PLEC: variants seen among roughly 807,000 people sequenced by gnomAD.
PLEC encodes the protein hemidesmosomal protein 1.
Under a neutral mutation model 392.8 loss-of-function variants are expected in PLEC, and 216 were observed. That is an observed-to-expected ratio of 0.55 (90% CI 0.49 to 0.62). PLEC has a LOEUF of 0.62. Ranked by LOEUF, PLEC falls within the 20% of genes least tolerant of loss-of-function variation. The pLI, the probability that PLEC is intolerant of heterozygous loss-of-function variation, is 0.00. For missense variants in PLEC, 6,863 were observed against 6,563.4 expected (o/e 1.05, Z -1.58); for synonymous variants, 3,621 against 2,980.6 (o/e 1.21, Z -7.00).
intron 1 of PLEC, among the ~76,000 whole-genome samples, chr8:143,972,271 T>C (rs1833467424): frequency 1.3e-5 from 2 of 152,140 alleles, no homozygotes; most frequent in South Asian, 2.1e-4. Flanking sequence ...ATGTAGAGCA[T>C]GAGCAACAGG....
intron 1 of PLEC, among the ~76,000 whole-genome samples, chr8:143,947,201 C>A (rs1554732808): frequency 6.6e-6 from 1 of 152,184 alleles, no homozygotes; most frequent in African/African-American, 2.4e-5. Flanking sequence ...CTCCTTGACG[C>A]AGGGCCACAG....
In PLEC at chr8:143,925,856, T is replaced by A. The variant is rs1554704386; in HGVS notation, c.4073A>T (p.Glu1358Val). The A allele has an allele frequency of 1.9e-6, 3 of 1,548,870 alleles. No homozygotes were observed. Among genetic ancestry groups the A allele is most frequent in the Non-Finnish European group, 2.6e-6 (3 of 1,153,926 alleles). Residue 1358 changes from glutamate (E) to valine (V), a missense_variant, in exon 31 of 32, where the codon GAG becomes GTG. Glu to Val is a moderately radical substitution (Grantham distance 121). Coordinates refer to ENST00000345136, the MANE Select transcript of PLEC (RefSeq NM_201384.3). ...CTCCACCTCGGCCAGCCGCTCGCGC[T>A]CCTCTGCCCGCTGCTGCTCAGCCAG... The part of the protein sequence containing the change: ...ERLAEQQRAE[E>V]RERLAEVEAA...
Position 143,933,044 on chromosome 8 carries a change from C to T in PLEC, c.1486G>A (p.Val496Met), listed in dbSNP as rs201553684. ...TEYNLRLKAG[V>M]AAPATQVAQV... ...GCCACCTGGGTTGCAGGGGCCGCCA[C>T]GCCTGCCTTCAGCCGTAGGTTGTAC... Residue 496 changes from valine (V) to methionine (M), a missense_variant, in exon 14 of 32, where the codon GTG (valine) becomes ATG (methionine). Coordinates refer to ENST00000345136, the MANE Select transcript of PLEC (RefSeq NM_201384.3). 227 of 1,594,500 alleles carry T rather than the reference C, an allele frequency of 1.4e-4. 1 individual carries two copies. The East Asian group carries it at 4.9e-3, about 35-fold the overall frequency.
At chr8:143,938,310 A>G in intron 2 of PLEC, 70 bp from the exon 3 acceptor site, 1 of 1,537,378 alleles carries the variant, frequency 6.5e-7, no homozygotes, top group Non-Finnish European at 8.8e-7. Context: ...TGGCTGATCT[A>G]CAGAGTGGGT....
Position 143,930,541 on chromosome 8 carries a change from G to A in PLEC, c.2305-5C>T. The A allele has an allele frequency of 6.3e-7, 1 of 1,584,072 alleles. No homozygotes were observed. Among genetic ancestry groups the A allele is most frequent in the Non-Finnish European group, 8.6e-7 (1 of 1,165,538 alleles). The stretch of plus-strand genomic sequence containing the variant: ...GTTCAGCTGTTCCTTCTCGTCCTGT[G>A]GGGGAGGGGCAGCATCCAGACGAGG... On this transcript the variant is annotated splice_region_variant and splice_polypyrimidine_tract_variant and intron_variant, in intron 19 of 31. Coordinates refer to ENST00000345136, the MANE Select transcript of PLEC (RefSeq NM_201384.3).
intron 1 of PLEC, chr8:143,946,250 G>T (rs1831451923): frequency 1.1e-6 from 1 of 897,226 alleles, no homozygotes; most frequent in African/African-American, 1.7e-5. Context: ...TCCCAGGTCT[G>T]ACGGCACAGA....
rs1821460085 is a variant in PLEC at position 143,918,757 on chromosome 8, G to A, written c.11064C>T (p.Gly3688=). 1.2e-6 allele frequency: 2 copies of A among 1,613,074 alleles called. No individual in the cohort carries two copies. Among genetic ancestry groups the A allele is most frequent in the South Asian group, 1.1e-5 (1 of 91,088 alleles). ...GGTAGACACCAGCCACGGAGCCCGT[G>A]CCATAGAGGTAGCACCAGGCGGACT... ...EAESAWCYLY[G]TGSVAGVYLP... The change falls in exon 32 of 32, where the codon GGC becomes GGT. Residue 3688 remains glycine (G), a synonymous_variant. Coordinates refer to ENST00000345136, the MANE Select transcript of PLEC (RefSeq NM_201384.3).
upstream of PLEC, chr8:143,943,879 C>G: frequency 1.2e-6 from 2 of 1,611,704 alleles, no homozygotes; most frequent in South Asian, 2.2e-5. Flanking sequence ...ACAGGCTGCC[C>G]GAGGGCTCCA....
chr8:143,938,208 G>A lies in PLEC; in HGVS notation c.207C>T (p.Asp69=), dbSNP rs371216758. 5.3e-5 allele frequency: 85 copies of A among 1,607,752 alleles called. No individual in the cohort carries two copies. The highest frequency in any genetic ancestry group is 1.8e-4 in the South Asian group (16 of 90,480). ...AQRHISDLYE[D]LRDGHNLISL... is the part of the protein sequence containing the mutation. ...AGATGAGGTTGTGGCCATCGCGGAG[G>A]TCTTCATACAGGTCACTGATGTGCC... The change falls in exon 3 of 32, where the codon GAC becomes GAT. Residue 69 remains aspartate (D), a synonymous_variant. Coordinates refer to ENST00000345136, the MANE Select transcript of PLEC (RefSeq NM_201384.3).
rs782040653 is a variant in PLEC, at chr8:143,927,929, G to A, written c.3324C>T (p.His1108=). ...TQGAEEVLRA[H]EEQLKEAQAV... The stretch of plus-strand genomic sequence containing the variant: ...CCTGGGCCTCCTTGAGCTGCTCCTC[G>A]TGGGCCCTGAGCACCTCCTCGGCCC... The change falls in exon 26 of 32, where the codon CAC becomes CAT. Residue 1108 remains histidine, a synonymous_variant. Coordinates refer to ENST00000345136, the MANE Select transcript of PLEC (RefSeq NM_201384.3). 1.2e-5 allele frequency: 20 copies of A among 1,602,446 alleles called. No individual in the cohort carries two copies. Among genetic ancestry groups the A allele is most frequent in the South Asian group, 6.7e-5 (6 of 89,424 alleles).
At chr8:143,955,917 A>G (rs1376663562), upstream of PLEC, among the ~76,000 whole-genome samples, 5 of 148,662 alleles carry the variant, frequency 3.4e-5, no homozygotes, top group Non-Finnish European at 4.5e-5. Context: ...AATTTAATGC[A>G]TAAAAATTTT....
At chr8:143,938,016 C>T in intron 3 of PLEC, 135 bp downstream of exon 3, 1 of 682,022 alleles carries the variant, frequency 1.5e-6, no homozygotes. Context: ...GCCAGCCTGC[C>T]CCCAGGGAGA....
chr8:143,938,621 C>G lies in PLEC; in HGVS notation c.174+10G>C, dbSNP rs181850748. On this transcript the variant is annotated intron_variant, in intron 2 of 31. Coordinates refer to ENST00000345136, the MANE Select transcript of PLEC (RefSeq NM_201384.3). Reference sequence around the variant, plus strand: ...AGCCCCTGTGACACGCACCAGCATGCGCCACCAACCTTGATGAGGTGCTTG... The same window carrying G: ...AGCCCCTGTGACACGCACCAGCATGGGCCACCAACCTTGATGAGGTGCTTG... 2 of 1,606,088 alleles carry G rather than the reference C, an allele frequency of 1.2e-6. No individual in the cohort carries two copies. The highest frequency in any genetic ancestry group is 1.1e-5 in the South Asian group (1 of 90,942).
chr8:143,944,505 G>A (rs1191607680), upstream of PLEC: 6 of 482,316 alleles, frequency 1.2e-5, no homozygotes, highest in African/African-American at 2.0e-5. Flanking sequence ...GGGCTGAGGG[G>A]GTCTGGGTGA....
rs1461941764 is a variant in PLEC, at chr8:143,969,852, G to A, written c.70+3551C>T. ...GGGCAGCAGGGGTGAGAATGAGGCC[G>A]GGGTGAGTACCGTTGGTGAGTGGGT... On this transcript the variant is annotated intron_variant, in intron 1 of 31. Coordinates refer to the PLEC transcript ENST00000356346. This position sits in a 1 kb window ranked among gnomAD's most constrained non-coding sequence, Gnocchi z 5.1. Among the ~76,000 whole-genome samples the A allele has an allele frequency of 4.0e-5, 6 of 151,738 alleles. No individual in the cohort carries two copies. Among genetic ancestry groups the A allele is most frequent in the Admixed American group, 1.3e-4 (2 of 15,230 alleles).
In PLEC at chr8:143,916,738, G is replaced by T; in HGVS notation, c.13083C>A (p.Asp4361Glu). 1.2e-6 allele frequency: 2 copies of T among 1,613,138 alleles called. No individual in the cohort carries two copies. Among genetic ancestry groups the T allele is most frequent in the Non-Finnish European group, 1.7e-6 (2 of 1,179,956 alleles). ...LAQKAFCGFE[D>E]PRTKTKMSAA... Reference sequence around the variant, plus strand: ...CCGACATCTTGGTCTTGGTGCGTGGGTCCTCGAAGCCGCAGAAGGCCTTCT... The same window carrying T: ...CCGACATCTTGGTCTTGGTGCGTGGTTCCTCGAAGCCGCAGAAGGCCTTCT... The change falls in exon 32 of 32, where the codon GAC (aspartate) becomes GAA (glutamate). Residue 4361 changes from aspartate (D) to glutamate (E), a missense_variant. Coordinates refer to ENST00000345136, the MANE Select transcript of PLEC (RefSeq NM_201384.3).
chr8:143,958,717 C>G (rs1356070239), upstream of PLEC: 1 of 443,582 alleles, frequency 2.3e-6, no homozygotes, highest in African/African-American at 2.0e-5. This position sits in a 1 kb window ranked among gnomAD's most constrained non-coding sequence, Gnocchi z 4.9. Context: ...GCAGGGTGGA[C>G]CTCGCCAGGC....
chr8:143,931,623 G>A lies in PLEC; in HGVS notation c.2215C>T (p.Gln739Ter). 1 of 1,601,410 alleles carries A rather than the reference G, an allele frequency of 6.2e-7. No individual in the cohort carries two copies. Among genetic ancestry groups the A allele is most frequent in the South Asian group, 1.1e-5 (1 of 88,856 alleles). ...SDVREAEGQL[Q>*]KLQEALRRKY... Reference sequence around the variant, plus strand: ...CTACGCAGTGCCTCCTGCAGCTTCTGCAACTGCCCCTCGGCCTCCCGCACA... The same window carrying A: ...CTACGCAGTGCCTCCTGCAGCTTCTACAACTGCCCCTCGGCCTCCCGCACA... Residue 739 changes from glutamine to a stop codon, truncating the protein, a stop_gained, in exon 19 of 32, where the codon CAG (glutamine) becomes TAG (stop). Coordinates refer to ENST00000345136, the MANE Select transcript of PLEC (RefSeq NM_201384.3). LOFTEE classifies it high-confidence loss of function.
rs193199777 is a variant in PLEC at position 143,972,495 on chromosome 8, G to A, written c.70+908C>T. ...GCTGGGCAAGGTTGTGGTGGAGAGC[G>A]GCACCACGGGGCCCCAGCAGGACCT... is the stretch of plus-strand genomic sequence containing the variant. On this transcript the variant is annotated intron_variant, in intron 1 of 31. Transcript: ENST00000356346. Among the ~76,000 whole-genome samples, 472 of 152,326 alleles carry A rather than the reference G, an allele frequency of 3.1e-3. 1 individual carries two copies. The highest frequency in any genetic ancestry group is 0.01 in the African/African-American group (429 of 41,572).
Sources: gnomAD v4.1 joint callset for allele counts (sites outside exome capture counted in the v4.1 genomes callset) on GRCh38, gnomAD v4.1.1 for gene constraint, Gnocchi (gnomAD v3.1) non-coding constraint, MANE v1.5 for transcripts, NCBI Gene and HGNC (gene_info 2026-07-23, HGNC 2026-07-21) for gene names.